Variants in RBFOX3 observed in about 807,000 individuals in gnomAD.
The protein encoded by RBFOX3 is RNA binding fox-1 homolog 3, also known as RNA binding protein fox-1 homolog 3.
A neutral mutation model predicts 48.7 loss-of-function variants in RBFOX3; 17 were observed. That is an observed-to-expected ratio of 0.35 (90% CI 0.24 to 0.52). The LOEUF (loss-of-function observed/expected upper bound fraction) is 0.52. Ranked by LOEUF, RBFOX3 falls within the 20% of genes least tolerant of loss-of-function variation. The pLI, the probability that RBFOX3 is intolerant of heterozygous loss-of-function variation, is 0.94. For synonymous variants in RBFOX3, 212 were observed against 209.5 expected (o/e 1.01, Z -0.10); for missense variants, 382 against 497.5 (o/e 0.77, Z 2.21).
At chr17:79,650,423 T>A in the RBFOX3 span, among the ~76,000 whole-genome samples, 1 of 151,826 alleles carries the variant, frequency 6.6e-6, no homozygotes, top group Non-Finnish European at 1.5e-5. Flanking sequence ...CTGGGTACTT[T>A]AAAGGCCCAG....
intron 1 of RBFOX3, among the ~76,000 whole-genome samples, chr17:79,514,060 C>T (rs2084902476): frequency 6.6e-6 from 1 of 152,224 alleles, no homozygotes; most frequent in Admixed American, 6.5e-5. Context: ...AATCGGTGTA[C>T]TTTCCTGGTA....
intron 2 of RBFOX3, among the ~76,000 whole-genome samples, chr17:79,428,102 C>T (rs2067714419): frequency 6.6e-6 from 1 of 152,244 alleles, no homozygotes. Flanking sequence ...AGCCACTGTG[C>T]CGAGACAGAC....
At chr17:79,179,770 T>C (rs1298233345) in intron 4 of RBFOX3, among the ~76,000 whole-genome samples, 4 of 152,122 alleles carry the variant, frequency 2.6e-5, no homozygotes, top group African/African-American at 9.7e-5. Context: ...CTGCTGATGG[T>C]CTAGATTTTC....
At chr17:79,615,865 G>T (rs946840619), upstream of RBFOX3, among the ~76,000 whole-genome samples, 1 of 152,150 alleles carries the variant, frequency 6.6e-6, no homozygotes, top group Non-Finnish European at 1.5e-5. Context: ...CCTAAAAGAG[G>T]CTCTTGTAAA....
Position 79,111,560 on chromosome 17 carries a change from C to T in RBFOX3, c.222+3934G>A, listed in dbSNP as rs1178540748. On this transcript the variant is annotated intron_variant, in intron 5 of 14. Transcript: ENST00000693108. The surrounding 1 kb of genome is among the most constrained non-coding windows in gnomAD (Gnocchi z 4.2). Reference sequence around the variant, plus strand: ...AAGTGATTCTCCTGCCTCAGCCTCCCGGGCAGCTGGGATTACAGGCACGAG... The same window carrying T: ...AAGTGATTCTCCTGCCTCAGCCTCCTGGGCAGCTGGGATTACAGGCACGAG... 5.3e-5 allele frequency among the ~76,000 whole-genome samples: 8 copies of T among 152,210 alleles called. No homozygotes were observed. The East Asian group carries it at 5.8e-4, about 11-fold the overall frequency.
intron 4 of RBFOX3, among the ~76,000 whole-genome samples, chr17:79,174,497 T>C (rs11868897): frequency 0.014 from 2,050 of 149,498 alleles, 35 homozygotes; most frequent in African/African-American, 0.047. Context: ...TACTGACACA[T>C]GTCCACAATG....
chr17:79,257,301 T>C (rs868121729), intron 3 of RBFOX3, among the ~76,000 whole-genome samples: 1 of 152,154 alleles, frequency 6.6e-6, no homozygotes, highest in African/African-American at 2.4e-5. Context: ...CAGGGATGCA[T>C]GTTGTTAGGT....
At chr17:79,574,841 C>A (rs2092804531) in intron 1 of RBFOX3, among the ~76,000 whole-genome samples, 1 of 152,220 alleles carries the variant, frequency 6.6e-6, no homozygotes, top group Non-Finnish European at 1.5e-5. Context: ...CCAGGTGGTA[C>A]CCAGAGCCCT....
intron 2 of RBFOX3, among the ~76,000 whole-genome samples, chr17:79,401,335 T>TA (rs1162791004): frequency 6.6e-6 from 1 of 152,138 alleles, no homozygotes; most frequent in Non-Finnish European, 1.5e-5. Context: ...ACTACCACTT[T>TA]AAAATAGGTC....
intron 2 of RBFOX3, among the ~76,000 whole-genome samples, chr17:79,320,307 G>A (rs1568035945): frequency 6.6e-6 from 1 of 152,192 alleles, no homozygotes; most frequent in Non-Finnish European, 1.5e-5. Context: ...CAGGACCAGA[G>A]GGGCATTGCT....
chr17:79,133,100 C>G (rs559202304), intron 4 of RBFOX3, among the ~76,000 whole-genome samples: 1 of 152,170 alleles, frequency 6.6e-6, no homozygotes, highest in Non-Finnish European at 1.5e-5. Context: ...TCCAAGGAGA[C>G]CTTCTGCCTC....
the RBFOX3 span, among the ~76,000 whole-genome samples, chr17:79,653,028 G>A: frequency 6.6e-6 from 1 of 151,694 alleles, no homozygotes; most frequent in Non-Finnish European, 1.5e-5. Context: ...AATTTAGTGG[G>A]AAAAAAAATG....
upstream of RBFOX3, among the ~76,000 whole-genome samples, chr17:79,613,563 G>C (rs1393053850): frequency 6.6e-6 from 1 of 152,214 alleles, no homozygotes; most frequent in African/African-American, 2.4e-5. Flanking sequence ...GGAGTCCTTG[G>C]TAATAATCAT....
chr17:79,095,205 C>T (rs1046937599), intron 13 of RBFOX3, among the ~76,000 whole-genome samples: 1 of 151,626 alleles, frequency 6.6e-6, no homozygotes, highest in Non-Finnish European at 1.5e-5. Context: ...ACTCAAGCGT[C>T]TGCCTCCAAG....
intron 1 of RBFOX3, among the ~76,000 whole-genome samples, chr17:79,495,829 G>T (rs1017618276): frequency 2.0e-5 from 3 of 151,626 alleles, no homozygotes; most frequent in African/African-American, 7.3e-5. Flanking sequence ...GGTGGTTGGG[G>T]GTGTAGGCGG....
intron 1 of RBFOX3, among the ~76,000 whole-genome samples, chr17:79,516,747 C>CATGG (rs1292510601): frequency 4.6e-5 from 7 of 152,222 alleles, no homozygotes; most frequent in Non-Finnish European, 1.0e-4. Flanking sequence ...ACACACTGTG[C>CATGG]ATGGATGGAT....
chr17:79,438,965 T>G (rs2070201171), intron 2 of RBFOX3, among the ~76,000 whole-genome samples: 1 of 152,222 alleles, frequency 6.6e-6, no homozygotes, highest in Non-Finnish European at 1.5e-5. Context: ...ATCTCCCTTT[T>G]CTCCCTCCTC....
At chr17:79,090,989 T>C in intron 14 of RBFOX3, 104 bp from the exon 15 acceptor site, 1 of 1,080,198 alleles carries the variant, frequency 9.3e-7, no homozygotes, top group Middle Eastern at 2.2e-4. Flanking sequence ...CCTAAAGTCC[T>C]GGCGCCGCCA....
At chr17:79,290,732 CAT>C (rs1402133577) in intron 3 of RBFOX3, among the ~76,000 whole-genome samples, 4 of 152,178 alleles carry the variant, frequency 2.6e-5, no homozygotes, top group African/African-American at 9.6e-5. Flanking sequence ...GACGGACAGG[CAT>C]AGTTACATAC....
Sources: gnomAD v4.1 joint callset for allele counts (sites outside exome capture counted in the v4.1 genomes callset) on GRCh38, gnomAD v4.1.1 for gene constraint, Gnocchi (gnomAD v3.1) non-coding constraint, MANE v1.5 for transcripts, NCBI Gene and HGNC (gene_info 2026-07-23, HGNC 2026-07-21) for gene names.